GSE1: variants seen among roughly 807,000 people sequenced by gnomAD.
The protein encoded by GSE1 is Gse1 coiled-coil protein.
A neutral mutation model predicts 112.6 loss-of-function variants in GSE1; 32 were observed. That is an observed-to-expected ratio of 0.28 (90% CI 0.21 to 0.38). The LOEUF is 0.38. Ranked by LOEUF, GSE1 falls within the 10% of genes least tolerant of loss-of-function variation. GSE1 has a pLI of 1.00. For missense variants in GSE1, 2,348 were observed against 1,699.2 expected (o/e 1.38, Z -6.71); for synonymous variants, 1,115 against 735.6 (o/e 1.52, Z -8.35).
At chr16:85,352,650 G>A (rs1204840887) in intron 1 of GSE1, among the ~76,000 whole-genome samples, 1 of 152,200 alleles carries the variant, frequency 6.6e-6, no homozygotes, top group African/African-American at 2.4e-5. Flanking sequence ...TAAGGAAGGG[G>A]GGCCCTTTGC....
intron 1 of GSE1, among the ~76,000 whole-genome samples, chr16:85,242,786 C>T (rs2143942784): frequency 6.6e-6 from 1 of 152,206 alleles, no homozygotes; most frequent in African/African-American, 2.4e-5. Flanking sequence ...CTCTAGGTGA[C>T]CCTGTTTTAT....
At chr16:85,454,080 G>A (rs1285210364) in intron 2 of GSE1, among the ~76,000 whole-genome samples, 1 of 152,188 alleles carries the variant, frequency 6.6e-6, no homozygotes, top group Non-Finnish European at 1.5e-5. Flanking sequence ...GGAGTGGAGG[G>A]AGCCACCCTG....
chr16:85,394,207 A>G (rs372982499), intron 2 of GSE1, among the ~76,000 whole-genome samples: 3,337 of 151,206 alleles, frequency 0.022, 126 homozygotes, highest in African/African-American at 0.074. Context: ...GGAGGGTGGG[A>G]GGCAGCCGGG....
At chr16:85,267,489 A>C (rs967499062) in intron 1 of GSE1, among the ~76,000 whole-genome samples, 1 of 152,014 alleles carries the variant, frequency 6.6e-6, no homozygotes, top group Admixed American at 6.6e-5. Context: ...GGAGGTGCCT[A>C]TGTGCGCACG....
At chr16:85,459,858 G>T (rs1309639797) in intron 2 of GSE1, among the ~76,000 whole-genome samples, 2 of 152,232 alleles carry the variant, frequency 1.3e-5, no homozygotes, top group African/African-American at 2.4e-5. Flanking sequence ...TCACAGAGGG[G>T]GTTGCTGACG....
At chr16:85,612,384 A>G (rs544015414), upstream of GSE1, among the ~76,000 whole-genome samples, 1 of 150,920 alleles carries the variant, frequency 6.6e-6, no homozygotes, top group African/African-American at 2.4e-5. Flanking sequence ...TGGGTGAGGT[A>G]GGGTGGGGGG....
At chr16:85,251,847 G>C (rs1906518009) in intron 1 of GSE1, among the ~76,000 whole-genome samples, 1 of 152,218 alleles carries the variant, frequency 6.6e-6, no homozygotes, top group South Asian at 2.1e-4. Flanking sequence ...CAACCGCTGG[G>C]TGTGCGGAAC....
intron 1 of GSE1, among the ~76,000 whole-genome samples, chr16:85,300,909 A>C (rs965412815): frequency 1.3e-5 from 2 of 152,158 alleles, no homozygotes; most frequent in Non-Finnish European, 2.9e-5. Context: ...GCCTCCCAGA[A>C]TTTGGGGGGA....
At chr16:85,451,067 G>A (rs182065419) in intron 2 of GSE1, among the ~76,000 whole-genome samples, 170 of 67,106 alleles carry the variant, frequency 2.5e-3, no homozygotes, top group African/African-American at 0.011. Flanking sequence ...AGAGCAAAAC[G>A]CCATCTCAAA....
At chr16:85,323,682 G>T (rs142613113) in intron 1 of GSE1, among the ~76,000 whole-genome samples, 17 of 152,322 alleles carry the variant, frequency 1.1e-4, no homozygotes, top group African/African-American at 4.1e-4. Flanking sequence ...CTGAGCAGTG[G>T]GGGGAGGTCT....
At chr16:85,361,862 C>T (rs544671064) in intron 2 of GSE1, among the ~76,000 whole-genome samples, 68 of 152,138 alleles carry the variant, frequency 4.5e-4, no homozygotes, top group African/African-American at 1.2e-3. Flanking sequence ...CCGTCCCAGA[C>T]TCCCGGGGCA....
At chr16:85,527,349 A>G (rs1181365007) in intron 2 of GSE1, among the ~76,000 whole-genome samples, 3 of 152,254 alleles carry the variant, frequency 2.0e-5, no homozygotes, top group Admixed American at 2.0e-4. Flanking sequence ...GGGAAGCCGA[A>G]AGGACCATGC....
At chr16:85,651,898 G>T (rs1001256648) in intron 3 of GSE1, among the ~76,000 whole-genome samples, 51 of 152,344 alleles carry the variant, frequency 3.3e-4, no homozygotes, top group African/African-American at 1.1e-3. Flanking sequence ...GGGGGCCAGG[G>T]GCCACTCCGT....
chr16:85,409,422 C>G (rs1363017005), intron 2 of GSE1, among the ~76,000 whole-genome samples: 1 of 32,250 alleles, frequency 3.1e-5, no homozygotes, highest in African/African-American at 1.4e-4. Context: ...CTGGATAATC[C>G]TCACTGTTAC....
chr16:85,532,412 C>T (rs2044167435), intron 2 of GSE1, among the ~76,000 whole-genome samples: 1 of 152,220 alleles, frequency 6.6e-6, no homozygotes, highest in Admixed American at 6.5e-5. Flanking sequence ...AAGCATACGC[C>T]ACCACGCCAG....
intron 2 of GSE1, among the ~76,000 whole-genome samples, chr16:85,476,490 C>T (rs987527467): frequency 6.6e-6 from 1 of 152,216 alleles, no homozygotes; most frequent in African/African-American, 2.4e-5. Context: ...GGCTTCATGG[C>T]GGTTGCTGCC....
chr16:85,269,003 G>T (rs367690692), intron 1 of GSE1, among the ~76,000 whole-genome samples: 2 of 149,204 alleles, frequency 1.3e-5, no homozygotes, highest in African/African-American at 2.4e-5. Flanking sequence ...AGGGAGGAAA[G>T]GATGGATCTG....
chr16:85,603,881 G>A (rs1223651034), intron 1 of GSE1, among the ~76,000 whole-genome samples: 3 of 152,130 alleles, frequency 2.0e-5, no homozygotes, highest in Non-Finnish European at 2.9e-5. Context: ...ACAGTTCAGC[G>A]GCATTTAGTA....
At chr16:85,366,029 G>T (rs1307600728) in intron 2 of GSE1, among the ~76,000 whole-genome samples, 1 of 152,218 alleles carries the variant, frequency 6.6e-6, no homozygotes, top group African/African-American at 2.4e-5. Context: ...GAGAGCTGGT[G>T]ACCACCAGAA....
Sources: gnomAD v4.1 joint callset for allele counts (sites outside exome capture counted in the v4.1 genomes callset) on GRCh38, gnomAD v4.1.1 for gene constraint, MANE v1.5 for transcripts, NCBI Gene and HGNC (gene_info 2026-07-23, HGNC 2026-07-21) for gene names.